Variants in BEND5 observed in about 807,000 individuals in gnomAD.
BEND5 encodes the protein BEN domain-containing protein 5.
In BEND5, 22 loss-of-function variants were observed where a neutral mutation model predicts 43.9. The observed-to-expected ratio is 0.50, with a 90% CI of 0.36 to 0.72. The LOEUF (loss-of-function observed/expected upper bound fraction) is 0.72, where lower values mean the gene tolerates loss of function less well. Among genes scored for constraint, BEND5 ranks in the 30% least tolerant of loss-of-function variants. BEND5 has a pLI of 0.00. For missense variants in BEND5, 428 were observed against 550.6 expected (o/e 0.78, Z 2.23); for synonymous variants, 228 against 225.9 (o/e 1.01, Z -0.08).
At chr1:48,776,058 G>A (rs781594867) in intron 1 of BEND5, among the ~76,000 whole-genome samples, 13 of 152,170 alleles carry the variant, frequency 8.5e-5, no homozygotes, top group African/African-American at 1.9e-4. Flanking sequence ...ATGTTGGCCC[G>A]GATGGGACAA....
At chr1:48,752,271 T>G (rs1651861479) in intron 3 of BEND5, among the ~76,000 whole-genome samples, 2 of 152,016 alleles carry the variant, frequency 1.3e-5, no homozygotes, top group African/African-American at 4.8e-5. Flanking sequence ...AGGAAAGAGC[T>G]CTGAGATAAA....
At chr1:48,771,362 G>A (rs1185401984) in intron 1 of BEND5, among the ~76,000 whole-genome samples, 1 of 152,198 alleles carries the variant, frequency 6.6e-6, no homozygotes, top group Non-Finnish European at 1.5e-5. Flanking sequence ...AAAAACTGGT[G>A]TGCTCTTGAA....
intron 5 of BEND5, among the ~76,000 whole-genome samples, chr1:48,733,684 C>T (rs1458950708): frequency 1.3e-5 from 2 of 152,042 alleles, no homozygotes; most frequent in Admixed American, 6.5e-5. Context: ...CCTAGGCAGC[C>T]CTGACTATCT....
At chr1:48,752,740 T>A (rs1651938053) in intron 3 of BEND5, among the ~76,000 whole-genome samples, 1 of 152,136 alleles carries the variant, frequency 6.6e-6, no homozygotes, top group Non-Finnish European at 1.5e-5. Context: ...ATGACTTTAC[T>A]GCATTTATTC....
chr1:48,759,348 A>G (rs1415642498), intron 2 of BEND5, 64 bp from the exon 3 acceptor site: 2 of 1,513,976 alleles, frequency 1.3e-6, no homozygotes, highest in Non-Finnish European at 1.8e-6. Context: ...ACTGCAGATC[A>G]ATATTTCCCC....
intron 1 of BEND5, among the ~76,000 whole-genome samples, chr1:48,762,171 G>A (rs1359404368): frequency 6.6e-6 from 1 of 152,172 alleles, no homozygotes; most frequent in Non-Finnish European, 1.5e-5. Context: ...AGGAACAGCC[G>A]GGAGTGGGAA....
chr1:48,770,418 C>T (rs770148823), intron 1 of BEND5, among the ~76,000 whole-genome samples: 1 of 152,138 alleles, frequency 6.6e-6, no homozygotes, highest in African/African-American at 2.4e-5. Context: ...ATTCTAAGTC[C>T]ATCTGTTAGA....
chr1:48,753,921 C>T (rs1264692172), intron 3 of BEND5, among the ~76,000 whole-genome samples: 1 of 152,150 alleles, frequency 6.6e-6, no homozygotes, highest in Non-Finnish European at 1.5e-5. Flanking sequence ...CCATCATCTG[C>T]CTCCCTCCTG....
At chr1:48,766,567 A>C (rs1056054884) in intron 1 of BEND5, among the ~76,000 whole-genome samples, 1 of 152,214 alleles carries the variant, frequency 6.6e-6, no homozygotes, top group Non-Finnish European at 1.5e-5. Context: ...CAGGGCTTGA[A>C]TGGGTTCTTT....
chr1:48,774,899 A>G (rs758827890), intron 1 of BEND5, among the ~76,000 whole-genome samples: 6 of 152,198 alleles, frequency 3.9e-5, no homozygotes, highest in Non-Finnish European at 7.4e-5. Context: ...ACTCTCTTTA[A>G]CACATCACTT....
intron 1 of BEND5, among the ~76,000 whole-genome samples, chr1:48,773,388 G>C (rs748492040): frequency 3.3e-5 from 5 of 152,084 alleles, no homozygotes; most frequent in Admixed American, 3.3e-4. Context: ...GAGAACAGAG[G>C]TCAAAGGTGA....
intron 1 of BEND5, among the ~76,000 whole-genome samples, chr1:48,773,490 G>C (rs1644933855): frequency 6.6e-6 from 1 of 152,134 alleles, no homozygotes; most frequent in Non-Finnish European, 1.5e-5. Flanking sequence ...AGGCGGGTGG[G>C]GGACAGCTGT....
At chr1:48,776,528 T>TC in intron 1 of BEND5, 78 bp downstream of exon 1, 5 of 660,382 alleles carry the variant, frequency 7.6e-6, no homozygotes, top group South Asian at 2.2e-5. Context: ...CCCGGTCCCC[T>TC]CCGCCCGGGC....
At chr1:48,729,495 T>C (rs1264286487) in intron 5 of BEND5, among the ~76,000 whole-genome samples, 3 of 152,096 alleles carry the variant, frequency 2.0e-5, no homozygotes, top group African/African-American at 4.8e-5. Flanking sequence ...AATCTTGTCA[T>C]TACCAAACCA....
At chr1:48,738,880 A>C (rs1293376784) in intron 4 of BEND5, among the ~76,000 whole-genome samples, 1 of 152,120 alleles carries the variant, frequency 6.6e-6, no homozygotes, top group Non-Finnish European at 1.5e-5. Context: ...TAATGACCTT[A>C]AGAGATGGAA....
chr1:48,739,528 G>A (rs1649582288), intron 4 of BEND5, among the ~76,000 whole-genome samples: 1 of 152,110 alleles, frequency 6.6e-6, no homozygotes, highest in Admixed American at 6.5e-5. Flanking sequence ...CCAGTGTGCC[G>A]TAACATCAAG....
chr1:48,730,089 C>A (rs1647854495), intron 5 of BEND5, among the ~76,000 whole-genome samples: 1 of 152,160 alleles, frequency 6.6e-6, no homozygotes, highest in Non-Finnish European at 1.5e-5. Flanking sequence ...AGTTAGGAGA[C>A]CCCACTCTAC....
chr1:48,765,207 C>T (rs1054980205), intron 1 of BEND5, among the ~76,000 whole-genome samples: 2 of 152,214 alleles, frequency 1.3e-5, no homozygotes, highest in African/African-American at 4.8e-5. Context: ...GTAACCTCAT[C>T]AGGGCAGGGC....
chr1:48,773,556 A>T (rs770488313), intron 1 of BEND5, among the ~76,000 whole-genome samples: 19 of 151,960 alleles, frequency 1.3e-4, no homozygotes, highest in Non-Finnish European at 2.1e-4. Flanking sequence ...GGGCTTGAAA[A>T]CTCAGAAACT....
Sources: allele counts gnomAD v4.1 joint callset (sites outside exome capture counted in the v4.1 genomes callset), GRCh38; gene constraint gnomAD v4.1.1; transcripts MANE v1.5; gene names NCBI Gene and HGNC (gene_info 2026-07-23, HGNC 2026-07-21).